The following RPS6KA5 variants were observed in gnomAD, a reference collection of about 807,000 sequenced individuals.
The protein encoded by RPS6KA5 is ribosomal protein S6 kinase A5.
In RPS6KA5, 27 loss-of-function variants were observed where a neutral mutation model predicts 85.5. The observed-to-expected ratio is 0.32, with a 90% CI of 0.23 to 0.44. The LOEUF (loss-of-function observed/expected upper bound fraction) is 0.44. Among genes scored for constraint, RPS6KA5 ranks in the 20% least tolerant of loss-of-function variants. The pLI, the probability that RPS6KA5 is intolerant of heterozygous loss-of-function variation, is 1.00. For synonymous variants in RPS6KA5, 334 were observed against 348.2 expected (o/e 0.96, Z 0.46); for missense variants, 811 against 980.9 (o/e 0.83, Z 2.31).
chr14:90,996,550 AT>A (rs1778042055), intron 2 of RPS6KA5, among the ~76,000 whole-genome samples: 1 of 152,162 alleles, frequency 6.6e-6, no homozygotes, highest in Non-Finnish European at 1.5e-5. Flanking sequence ...ATAAAACATC[AT>A]CTCAGAGATA....
At chr14:90,996,906 A>G (rs2040548400) in intron 2 of RPS6KA5, among the ~76,000 whole-genome samples, 1 of 152,206 alleles carries the variant, frequency 6.6e-6, no homozygotes, top group Admixed American at 6.5e-5. Flanking sequence ...TTAACCCACT[A>G]AGAAAATTTG....
chr14:91,034,830 G>A (rs542324299), intron 1 of RPS6KA5, among the ~76,000 whole-genome samples: 155 of 152,048 alleles, frequency 1.0e-3, no homozygotes, highest in South Asian at 3.5e-3. Flanking sequence ...CCACCAGCAG[G>A]AATAAATTTC....
At chr14:90,968,676 G>A (rs2039186175) in intron 3 of RPS6KA5, among the ~76,000 whole-genome samples, 1 of 152,176 alleles carries the variant, frequency 6.6e-6, no homozygotes, top group African/African-American at 2.4e-5. Context: ...AAAAGGAAAA[G>A]AGTGTTTCAA....
chr14:90,952,539 C>G (rs977072597), intron 3 of RPS6KA5, among the ~76,000 whole-genome samples: 1 of 152,246 alleles, frequency 6.6e-6, no homozygotes, highest in Non-Finnish European at 1.5e-5. Context: ...ATTCAAACAG[C>G]TCATTTTGTT....
Position 91,001,152 on chromosome 14 carries a change from C to CTAAAAGAA in RPS6KA5, c.110_111insTTCTTTTA (p.Leu37PhefsTer13). On this transcript the variant is annotated frameshift_variant, in exon 2 of 17. Coordinates refer to ENST00000614987, the MANE Select transcript of RPS6KA5 (RefSeq NM_004755.4). LOFTEE classifies it high-confidence loss of function. ...TTCCCACCTTCTCAGCATGTCCTGT[C>CTAAAAGAA]AAATTAGCTAAAAGAAAAAAAGAGG... 6.3e-7 allele frequency: 1 copy of CTAAAAGAA among 1,583,464 alleles called. No homozygotes were observed. Among genetic ancestry groups the CTAAAAGAA allele is most frequent in the Non-Finnish European group, 8.6e-7 (1 of 1,164,888 alleles).
At position 90,956,667 on chromosome 14, in the gene RPS6KA5, A is replaced by AC. The variant is rs560505132; in HGVS notation, c.395-9118dup. 2.0e-3 allele frequency among the ~76,000 whole-genome samples: 291 copies of AC among 144,178 alleles called. 3 individuals carry two copies. The highest frequency in any genetic ancestry group is 7.4e-3 in the African/African-American group (280 of 38,092). 94.6% of individuals were successfully genotyped at this position (144,178 alleles called of 152,430 possible). A position where few individuals can be genotyped will look rare whatever the true frequency, so the allele number is the denominator to read the frequency against. ...AATTCCTTTAATACTTTCTCATTTT[A>AC]CTTTTTTTTTTTACTTATTTTCTTA... is the stretch of plus-strand genomic sequence containing the variant. On this transcript the variant is annotated intron_variant, in intron 3 of 16. Transcript: ENST00000614987.
At chr14:91,044,355 GAA>G (rs200050210) in intron 1 of RPS6KA5, among the ~76,000 whole-genome samples, 2,211 of 24,522 alleles carry the variant, frequency 0.09, 59 homozygotes, top group East Asian at 0.31. Context: ...AAGAAAGAAA[GAA>G]AGAAAGAGAA....
chr14:90,947,602 G>T, intron 3 of RPS6KA5, 52 bp from the exon 4 acceptor site: 2 of 1,070,520 alleles, frequency 1.9e-6, no homozygotes, highest in Non-Finnish European at 2.9e-6. Context: ...TAAATGAAAA[G>T]CAGTGTTTCC....
chr14:91,042,745 C>T (rs2042653490), intron 1 of RPS6KA5, among the ~76,000 whole-genome samples: 2 of 135,886 alleles, frequency 1.5e-5, no homozygotes, highest in Admixed American at 7.5e-5. Flanking sequence ...ACCTCCTAAC[C>T]CCCCAGGTGC....
chr14:91,056,647 C>T (rs781293182), intron 1 of RPS6KA5, among the ~76,000 whole-genome samples: 4 of 152,150 alleles, frequency 2.6e-5, no homozygotes, highest in Non-Finnish European at 4.4e-5. Context: ...ACAGACCATA[C>T]ATGTCCTATC....
intron 7 of RPS6KA5, among the ~76,000 whole-genome samples, chr14:90,909,680 C>T (rs1471289136): frequency 6.6e-6 from 1 of 152,076 alleles, no homozygotes; most frequent in Non-Finnish European, 1.5e-5. Context: ...TACAATGTAT[C>T]ATGAAATGAA....
At chr14:90,888,759 TATC>T (rs1367402923) in intron 14 of RPS6KA5, among the ~76,000 whole-genome samples, 18 of 152,190 alleles carry the variant, frequency 1.2e-4, no homozygotes, top group Admixed American at 1.2e-3. Flanking sequence ...AAAAGTCAGA[TATC>T]ATAAAGAAAA....
intron 1 of RPS6KA5, among the ~76,000 whole-genome samples, chr14:91,045,775 A>T (rs2042847705): frequency 6.6e-6 from 1 of 152,144 alleles, no homozygotes. Context: ...CTTCAACTGG[A>T]AATCTTTCAA....
intron 5 of RPS6KA5, among the ~76,000 whole-genome samples, chr14:90,939,851 G>T (rs1018547921): frequency 6.6e-6 from 1 of 152,180 alleles, no homozygotes; most frequent in Non-Finnish European, 1.5e-5. Flanking sequence ...CAAGGAGGCA[G>T]ATTAGGGATG....
At chr14:90,894,327 ACCT>A in intron 13 of RPS6KA5, 83 bp downstream of exon 13, 1 of 1,402,114 alleles carries the variant, frequency 7.1e-7, no homozygotes, top group Non-Finnish European at 9.3e-7. Flanking sequence ...AAATAAGGAA[ACCT>A]CCCCAGAAAC....
chr14:91,058,473 G>A (rs2043421047), intron 1 of RPS6KA5, among the ~76,000 whole-genome samples: 1 of 152,242 alleles, frequency 6.6e-6, no homozygotes, highest in Non-Finnish European at 1.5e-5. Flanking sequence ...GCAAAAAGCT[G>A]CTTGTTGCAC....
chr14:90,952,536 C>A (rs768993045), intron 3 of RPS6KA5, among the ~76,000 whole-genome samples: 1 of 152,348 alleles, frequency 6.6e-6, no homozygotes, highest in South Asian at 2.1e-4. Flanking sequence ...TCTATTCAAA[C>A]AGCTCATTTT....
chr14:91,015,842 G>A (rs568332842), intron 1 of RPS6KA5, among the ~76,000 whole-genome samples: 7 of 152,158 alleles, frequency 4.6e-5, no homozygotes, highest in Non-Finnish European at 1.0e-4. Flanking sequence ...TGTTAACTCA[G>A]TGAGCTATAT....
intron 3 of RPS6KA5, among the ~76,000 whole-genome samples, chr14:90,976,063 A>G (rs920975788): frequency 1.3e-4 from 20 of 152,214 alleles, no homozygotes; most frequent in Admixed American, 1.2e-3. Flanking sequence ...AAAAAGCAAC[A>G]TGATTAAGGA....
Sources: allele counts gnomAD v4.1 joint callset (sites outside exome capture counted in the v4.1 genomes callset), GRCh38; gene constraint gnomAD v4.1.1; transcripts MANE v1.5; gene names NCBI Gene and HGNC (gene_info 2026-07-23, HGNC 2026-07-21).